Variants in GON4L observed in about 807,000 individuals in gnomAD.
GON4L encodes the protein gon-4 like, also known as GON-4-like protein.
A neutral mutation model predicts 211.8 loss-of-function variants in GON4L; 87 were observed. The observed-to-expected ratio is 0.41, with a 90% CI of 0.35 to 0.49. The LOEUF (loss-of-function observed/expected upper bound fraction) is 0.49, where lower values mean the gene tolerates loss of function less well. Ranked by LOEUF, GON4L falls within the 20% of genes least tolerant of loss-of-function variation. The pLI is 0.15. For missense variants in GON4L, 2,155 were observed against 2,659.5 expected (o/e 0.81, Z 4.17); for synonymous variants, 875 against 962.6 (o/e 0.91, Z 1.68).
intron 21 of GON4L, 96 bp from the exon 22 acceptor site, chr1:155,763,660 A>C (rs1662084874): frequency 4.6e-6 from 5 of 1,084,012 alleles, no homozygotes; most frequent in Non-Finnish European, 6.5e-6. Context: ...AAGTTAAACA[A>C]TGGGGAGCCC....
chr1:155,807,933 GT>G, intron 10 of GON4L, among the ~76,000 whole-genome samples: 1 of 151,752 alleles, frequency 6.6e-6, no homozygotes, highest in Non-Finnish European at 1.5e-5. Flanking sequence ...CTGCTAATGG[GT>G]TTCTGTTTAC....
chr1:155,747,944 G>C, downstream of GON4L: 1 of 1,561,902 alleles, frequency 6.4e-7, no homozygotes, highest in East Asian at 2.2e-5. Context: ...TTGGGAGAGT[G>C]GCTTAATGCA....
Position 155,826,908 on chromosome 1 carries a change from T to C in GON4L, c.626A>G (p.Glu209Gly). ...TQPDVCASPQ[E>G]KPLRTLFHQP... ...GTGAAACAGAGTCCTGAGTGGCTTT[T>C]CTTGAGGAGAGGCACAAACATCTGG... Residue 209 changes from glutamate to glycine, a missense_variant, in exon 3 of 32, where the codon GAA (glutamate) becomes GGA (glycine). Physicochemically the swap from Glu to Gly is moderately conservative, Grantham distance 98. Transcript: ENST00000368331. 3 of 1,613,940 alleles carry C rather than the reference T, an allele frequency of 1.9e-6. No individual in the cohort carries two copies. The highest frequency in any genetic ancestry group is 2.5e-6 in the Non-Finnish European group (3 of 1,179,812).
chr1:155,751,872 G>A lies in GON4L; in HGVS notation c.6474-3C>T, dbSNP rs2101607051. On this transcript the variant is annotated splice_region_variant and splice_polypyrimidine_tract_variant and intron_variant, in intron 30 of 31. Transcript: ENST00000368331. ...TGAGGATCACACGGTCAGCTTCCCT[G>A]TAACCCAGGTATCATGATTAACCCT... The A allele has an allele frequency of 1.2e-6, 2 of 1,612,540 alleles. No individual in the cohort carries two copies. The highest frequency in any genetic ancestry group is 8.5e-7 in the Non-Finnish European group (1 of 1,178,600).
chr1:155,842,678 T>C (rs1199513422), intron 2 of GON4L, among the ~76,000 whole-genome samples: 2 of 147,302 alleles, frequency 1.4e-5, no homozygotes, highest in Non-Finnish European at 1.5e-5. Context: ...TCTAGTAAAA[T>C]ACAAAAAATT....
At chr1:155,775,619 C>T (rs760731405) in intron 16 of GON4L, among the ~76,000 whole-genome samples, 11 of 151,766 alleles carry the variant, frequency 7.2e-5, no homozygotes, top group Admixed American at 1.3e-4. Context: ...CTACCACGCC[C>T]GGCTATTTTT....
intron 2 of GON4L, among the ~76,000 whole-genome samples, chr1:155,832,657 AAACAAT>A (rs948035654): frequency 5.3e-5 from 8 of 152,186 alleles, no homozygotes; most frequent in Non-Finnish European, 8.8e-5. Flanking sequence ...ACAAACAAAC[AAACAAT>A]AACAACAACA....
Position 155,845,548 on chromosome 1 carries a change from T to A in GON4L, c.505+7728A>T, listed in dbSNP as rs1671157860. The A allele has an allele frequency of 9.8e-6, 3 of 307,358 alleles. No homozygotes were observed. The Middle Eastern group carries it at 3.5e-3, about 361-fold the overall frequency. 19.0% of individuals were successfully genotyped at this position (307,358 alleles called of 1,614,324 possible). ...TATCCAGCAGTTTTACAGTCCCTTT[T>A]AATGAAGATGACAAAGATAATTGTT... On this transcript the variant is annotated intron_variant, in intron 2 of 31. Coordinates refer to ENST00000368331, the MANE Select transcript of GON4L (RefSeq NM_001282860.2).
rs1368883377 is a variant in GON4L, at chr1:155,826,501, G to A, written c.697+336C>T. ...GAATCACTTGAACCCAGGAGGCAGC[G>A]GTTGCCGTGAGCCGAGATCACGCCC... On this transcript the variant is annotated intron_variant, in intron 3 of 31. Transcript: ENST00000368331. 5.9e-5 allele frequency among the ~76,000 whole-genome samples: 9 copies of A among 151,652 alleles called. No individual in the cohort carries two copies. In the South Asian group the frequency reaches 1.0e-3, roughly 18 times the overall value.
At chr1:155,850,681 G>A (rs1276381501) in intron 2 of GON4L, among the ~76,000 whole-genome samples, 1 of 152,076 alleles carries the variant, frequency 6.6e-6, no homozygotes, top group East Asian at 1.9e-4. Context: ...ACCACATACT[G>A]AGAATGTACC....
chr1:155,790,162 C>G (rs925620115), intron 12 of GON4L, among the ~76,000 whole-genome samples: 1 of 151,842 alleles, frequency 6.6e-6, no homozygotes, highest in East Asian at 1.9e-4. Context: ...TGCAGTGGCG[C>G]GATCTCGGCT....
At position 155,826,979 on chromosome 1, in the gene GON4L, G is replaced by T. The variant is rs955372115; in HGVS notation, c.555C>A (p.Gly185=). The T allele has an allele frequency of 6.2e-7, 1 of 1,613,918 alleles. No individual in the cohort carries two copies. Among genetic ancestry groups the T allele is most frequent in the Non-Finnish European group, 8.5e-7 (1 of 1,179,916 alleles). ...SEGEIPSLPS[G]SQSAKPVSQP... ...GGCTTACTGGTTTTGCAGATTGGCT[G>T]CCTGATGGCAGGGAAGGTATCTCCC... Residue 185 remains glycine (G), a synonymous_variant, in exon 3 of 32, where the codon GGC becomes GGA. Coordinates refer to ENST00000368331, the MANE Select transcript of GON4L (RefSeq NM_001282860.2).
chr1:155,834,789 G>T (rs536316943), intron 2 of GON4L, among the ~76,000 whole-genome samples: 1 of 152,124 alleles, frequency 6.6e-6, no homozygotes, highest in African/African-American at 2.4e-5. Flanking sequence ...GGAAGTCCTC[G>T]CCCCTTTTCC....
intron 22 of GON4L, among the ~76,000 whole-genome samples, chr1:155,762,952 C>A (rs920382919): frequency 5.3e-5 from 8 of 152,058 alleles, no homozygotes; most frequent in African/African-American, 1.9e-4. Flanking sequence ...AGGAGAATCG[C>A]TTGAACCTGG....
chr1:155,771,183 T>G lies in GON4L; in HGVS notation c.2530A>C (p.Thr844Pro). Residue 844 changes from threonine to proline, a missense_variant, in exon 19 of 32, where the codon ACT (threonine) becomes CCT (proline). Around this residue, in one of 6 missense-constraint regions of GON4L, gnomAD observed 551 missense variants for 854.0 expected, o/e 0.65. Transcript: ENST00000368331. The part of the protein sequence containing the change: ...LALGLKHFEG[T>P]EFPNPLISKY... ...CTGATTAGAGGATTAGGAAACTCAG[T>G]TCCTTCAAAATGCTTCAGTCCTAAA... 6.2e-7 allele frequency: 1 copy of G among 1,614,170 alleles called. No homozygotes were observed. Among genetic ancestry groups the G allele is most frequent in the Non-Finnish European group, 8.5e-7 (1 of 1,180,024 alleles).
At chr1:155,811,773 AAAAAAAG>A (rs1453948057) in intron 10 of GON4L, among the ~76,000 whole-genome samples, 128 of 145,596 alleles carry the variant, frequency 8.8e-4, no homozygotes, top group African/African-American at 2.6e-3. Context: ...AAAAAAAAAA[AAAAAAAG>A]AAGGCTGGGC....
Position 155,821,459 on chromosome 1 carries a change from T to C in GON4L, c.963+15A>G, listed in dbSNP as rs747873539. ...CTGTTCCAAGACATTAAAAGAGTGATAATCAACTACTCACAAACATTGGCA... is the reference window on the plus strand; with the variant it reads ...CTGTTCCAAGACATTAAAAGAGTGACAATCAACTACTCACAAACATTGGCA... On this transcript the variant is annotated intron_variant, in intron 5 of 31. Transcript: ENST00000368331. The C allele has an allele frequency of 3.4e-6, 5 of 1,480,772 alleles. No individual in the cohort carries two copies. The highest frequency in any genetic ancestry group is 1.7e-5 in the Admixed American group (1 of 59,826). The allele number at this position is 1,480,772 out of a possible 1,614,324, so 91.7% of individuals were successfully genotyped here.
At chr1:155,770,829 A>G (rs2101796538) in intron 19 of GON4L, among the ~76,000 whole-genome samples, 1 of 152,306 alleles carries the variant, frequency 6.6e-6, no homozygotes, top group South Asian at 2.1e-4. Flanking sequence ...GCGCCACTCT[A>G]CTCAAGCCTG....
rs1318290449 is a variant in GON4L at position 155,766,257 on chromosome 1, C to T, written c.3216G>A (p.Leu1072=). The T allele has an allele frequency of 1.2e-5, 20 of 1,614,026 alleles. No homozygotes were observed. The highest frequency in any genetic ancestry group is 1.7e-5 in the Admixed American group (1 of 60,000). Residue 1072 remains leucine (L), a synonymous_variant, in exon 21 of 32, where the codon CTG becomes CTA. Transcript: ENST00000368331. ...GGESFESPAA[L]PAVPPEARTS... ...TCCTGGCCTCAGGGGGCACAGCAGG[C>T]AGTGCTGCAGGAGACTCAAAACTCT...
Sources: allele counts gnomAD v4.1 joint callset (sites outside exome capture counted in the v4.1 genomes callset), GRCh38; gene constraint gnomAD v4.1.1; regional missense constraint gnomAD v4.1.1; transcripts MANE v1.5; gene names NCBI Gene and HGNC (gene_info 2026-07-23, HGNC 2026-07-21).